The following SYBU variants were observed in gnomAD, a reference collection of about 807,000 sequenced individuals.
The protein encoded by SYBU is syntabulin.
SYBU carries 21 observed loss-of-function variants against 35.9 expected under a neutral mutation model. That is an observed-to-expected ratio of 0.58 (90% CI 0.41 to 0.84). The LOEUF is 0.84. SYBU is among the 40% of genes least tolerant of loss of function. SYBU has a pLI of 0.00. For missense variants in SYBU, 768 were observed against 848.2 expected, an observed-to-expected ratio of 0.91 and a Z score of 1.17; for synonymous variants, 319 against 324.3, an observed-to-expected ratio of 0.98 and a Z score of 0.18.
intron 3 of SYBU, among the ~76,000 whole-genome samples, chr8:109,603,815 A>C (rs1279329602): frequency 2.0e-5 from 3 of 152,222 alleles, no homozygotes; most frequent in Non-Finnish European, 4.4e-5. Flanking sequence ...ATGTTAAAAC[A>C]CACATTTCAG....
intron 1 of SYBU, among the ~76,000 whole-genome samples, chr8:109,672,609 TG>T (rs781572885): frequency 1.3e-5 from 2 of 152,144 alleles, no homozygotes; most frequent in Non-Finnish European, 2.9e-5. Flanking sequence ...GATGGCTGTT[TG>T]GGGAGACAGC....
intron 1 of SYBU, among the ~76,000 whole-genome samples, chr8:109,675,437 A>G (rs906343079): frequency 6.6e-6 from 1 of 152,176 alleles, no homozygotes; most frequent in Non-Finnish European, 1.5e-5. Flanking sequence ...TAGACACAAT[A>G]AAAAATGATA....
intron 3 of SYBU, among the ~76,000 whole-genome samples, chr8:109,607,531 C>G (rs1486338276): frequency 6.6e-6 from 1 of 152,160 alleles, no homozygotes; most frequent in African/African-American, 2.4e-5. Flanking sequence ...TCCCTTACCA[C>G]ACCACTGGTA....
At chr8:109,614,642 G>A (rs1811537205) in intron 3 of SYBU, among the ~76,000 whole-genome samples, 2 of 152,202 alleles carry the variant, frequency 1.3e-5, no homozygotes, top group African/African-American at 4.8e-5. Flanking sequence ...TCTCATTTAA[G>A]TATTTATTGG....
chr8:109,633,090 T>G (rs1813820091), intron 2 of SYBU, among the ~76,000 whole-genome samples: 1 of 152,256 alleles, frequency 6.6e-6, no homozygotes, highest in Admixed American at 6.5e-5. Flanking sequence ...TTAGCTCCGG[T>G]CTGATATATG....
At chr8:109,654,406 T>A (rs1375683608) in intron 1 of SYBU, among the ~76,000 whole-genome samples, 4 of 152,150 alleles carry the variant, frequency 2.6e-5, no homozygotes, top group African/African-American at 9.7e-5. Context: ...TACTCGCACA[T>A]TTTTGAAAAG....
chr8:109,650,808 A>G (rs1437530669), intron 1 of SYBU, among the ~76,000 whole-genome samples: 1 of 152,240 alleles, frequency 6.6e-6, no homozygotes, highest in African/African-American at 2.4e-5. Context: ...TTTTAAAATG[A>G]TAACTATTTT....
At chr8:109,667,143 G>A (rs1401862544) in intron 1 of SYBU, among the ~76,000 whole-genome samples, 1 of 151,998 alleles carries the variant, frequency 6.6e-6, no homozygotes, top group Non-Finnish European at 1.5e-5. Context: ...TTGAGACAGA[G>A]TCTGGCTCTG....
chr8:109,653,654 C>T (rs774253486), intron 1 of SYBU, among the ~76,000 whole-genome samples: 15 of 152,128 alleles, frequency 9.9e-5, no homozygotes, highest in Non-Finnish European at 1.6e-4. Context: ...CTCCTATTCT[C>T]CACAATGTCT....
In SYBU at chr8:109,666,035, A is replaced by G. The variant is rs7009151; in HGVS notation, c.-129+14676T>C. ...TTGCACGTTTCTTGTTAAGTTTCCAAAGCATATTTAATATACATTAGAATC... is the reference window on the plus strand; with the variant it reads ...TTGCACGTTTCTTGTTAAGTTTCCAGAGCATATTTAATATACATTAGAATC... On this transcript the variant is annotated intron_variant, in intron 1 of 5. Coordinates refer to the SYBU transcript ENST00000408889. Among the ~76,000 whole-genome samples the G allele has an allele frequency of 5.3e-3, 803 of 152,310 alleles. 6 individuals are homozygous for G. Among genetic ancestry groups the G allele is most frequent in the African/African-American group, 0.017 (721 of 41,568 alleles).
intron 1 of SYBU, among the ~76,000 whole-genome samples, chr8:109,653,384 T>C (rs982204936): frequency 6.6e-5 from 10 of 152,170 alleles, no homozygotes; most frequent in Admixed American, 3.3e-4. Context: ...ATATCTCCCA[T>C]CTTCCCCTGC....
chr8:109,575,489 A>T lies in SYBU; in HGVS notation c.1409T>A (p.Leu470Gln). Residue 470 changes from leucine to glutamine, a missense_variant, in exon 7 of 7, where the codon CTG (leucine) becomes CAG (glutamine). Coordinates refer to ENST00000276646, the MANE Select transcript of SYBU (RefSeq NM_001099754.2). ...CTCCTGACCCATGACTATGGGCAGC[A>T]GCTCCAGGACGTTAGCCCCAGGGGT... Reference protein sequence around the residue: ...HSTPGANVLELLPIVMGQEEG... With the variant: ...HSTPGANVLEQLPIVMGQEEG... 6.2e-7 allele frequency: 1 copy of T among 1,614,138 alleles called. No individual in the cohort carries two copies. The highest frequency in any genetic ancestry group is 8.5e-7 in the Non-Finnish European group (1 of 1,180,024).
intron 5 of SYBU, 24 bp downstream of exon 5, chr8:109,579,775 A>T (rs1822794756): frequency 2.5e-6 from 4 of 1,604,112 alleles, no homozygotes; most frequent in Non-Finnish European, 3.4e-6. Context: ...ACTAAGATGC[A>T]TGAATTAGGT....
chr8:109,612,053 C>T (rs1294174479), intron 3 of SYBU, among the ~76,000 whole-genome samples: 1 of 152,164 alleles, frequency 6.6e-6, no homozygotes, highest in Non-Finnish European at 1.5e-5. Context: ...GTGGACTTTA[C>T]TACTATGGCC....
chr8:109,661,912 C>G (rs917941826), intron 1 of SYBU, among the ~76,000 whole-genome samples: 1 of 152,182 alleles, frequency 6.6e-6, no homozygotes, highest in Non-Finnish European at 1.5e-5. Flanking sequence ...TCCTTCAGTG[C>G]TTTTAACTTC....
At chr8:109,578,687 C>T (rs978812142) in intron 5 of SYBU, among the ~76,000 whole-genome samples, 1 of 152,160 alleles carries the variant, frequency 6.6e-6, no homozygotes, top group Non-Finnish European at 1.5e-5. Context: ...GTCCAGGTGC[C>T]TGAGCTGTCA....
In SYBU at chr8:109,624,038, TAGAA is replaced by T. The variant is rs1244327094; in HGVS notation, c.230-5003_230-5000del. Among the ~76,000 whole-genome samples the T allele has an allele frequency of 3.3e-5, 5 of 152,092 alleles. No homozygotes were observed. In the East Asian group the frequency reaches 7.7e-4, roughly 23 times the overall value. On this transcript the variant is annotated intron_variant, in intron 2 of 6. Coordinates refer to ENST00000276646, the MANE Select transcript of SYBU (RefSeq NM_001099754.2). ...AATTTCTCCCTGGAACTTGCTAGGC[TAGAA>T]AGAAAGAAGCTATTAAAGACTAATG...
At chr8:109,576,046 A>C in intron 6 of SYBU, 33 bp from the exon 7 acceptor site, 1 of 829,274 alleles carries the variant, frequency 1.2e-6, no homozygotes, top group Non-Finnish European at 1.5e-6. Context: ...GTTAATTAAA[A>C]AAAAAAAAAA....
chr8:109,579,732 C>G, intron 5 of SYBU, 67 bp downstream of exon 5: 3 of 1,402,070 alleles, frequency 2.1e-6, no homozygotes, highest in Non-Finnish European at 3.0e-6. Context: ...TTTTTTTTTT[C>G]TTTTTTAAAG....
Sources: allele counts gnomAD v4.1 joint callset (sites outside exome capture counted in the v4.1 genomes callset), GRCh38; gene constraint gnomAD v4.1.1; transcripts MANE v1.5; gene names NCBI Gene and HGNC (gene_info 2026-07-23, HGNC 2026-07-21).